RACK1: variants seen among roughly 807,000 people sequenced by gnomAD.
RACK1 encodes receptor for activated C kinase 1.
Under a neutral mutation model 42.2 loss-of-function variants are expected in RACK1, and 3 were observed. That is an observed-to-expected ratio of 0.07 (90% CI 0.03 to 0.18). RACK1 has a LOEUF of 0.18. Among genes scored for constraint, RACK1 ranks in the 10% least tolerant of loss-of-function variants. The pLI, the probability that RACK1 is intolerant of heterozygous loss-of-function variation, is 1.00. For synonymous variants in RACK1, 181 were observed against 154.8 expected, an observed-to-expected ratio of 1.17 and a Z score of -1.25; for missense variants, 146 against 403.2, an observed-to-expected ratio of 0.36 and a Z score of 5.46.
At chr5:181,241,023 C>G (rs1344039078) in intron 3 of RACK1, 3 of 154,678 alleles carry the variant, frequency 1.9e-5, no homozygotes, top group African/African-American at 7.3e-5. Flanking sequence ...ACTTGGGAGG[C>G]TGAGGCAGGA....
Position 181,237,031 on chromosome 5 carries a change from A to G in RACK1, c.900T>C (p.Ala300=), listed in dbSNP as rs1759162108. ...AWSADGQTLF[A]GYTDNLVRVW... is the part of the protein sequence containing the mutation. ...CTCGCACCAGGTTGTCCGTGTAGCC[A>G]GCAAACAGAGTCTGCAGGGAAGAAA... The change falls in exon 8 of 8, where the codon GCT becomes GCC. Residue 300 remains alanine (A), a synonymous_variant. Transcript: ENST00000512805. The G allele has an allele frequency of 1.2e-6, 2 of 1,614,128 alleles. No individual in the cohort carries two copies. Among genetic ancestry groups the G allele is most frequent in the Non-Finnish European group, 1.7e-6 (2 of 1,180,022 alleles).
Position 181,238,178 on chromosome 5 carries a change from C to T in RACK1, c.698G>A (p.Gly233Glu). ...EGKHLYTLDG[G>E]DIINALCFSP... ...GAAGCACAGGGCGTTGATGATGTCC[C>T]CACCATCTAGCGTGTAAAGGTGTTT... The change falls in exon 6 of 8, where the codon GGG (glycine) becomes GAG (glutamate). Residue 233 changes from glycine to glutamate, a missense_variant. By Grantham distance (98) the Gly-to-Glu change is moderately conservative. Transcript: ENST00000512805. 6.2e-7 allele frequency: 1 copy of T among 1,613,960 alleles called. No individual in the cohort carries two copies. Among genetic ancestry groups the T allele is most frequent in the Non-Finnish European group, 8.5e-7 (1 of 1,179,862 alleles).
chr5:181,238,328 A>G, intron 5 of RACK1, 89 bp from the exon 6 acceptor site: 1 of 1,386,396 alleles, frequency 7.2e-7, no homozygotes, highest in East Asian at 2.3e-5. Flanking sequence ...ATCAATTCTT[A>G]CCTTTCCTCC....
At chr5:181,237,791 TTC>T in intron 6 of RACK1, 72 bp from the exon 7 acceptor site, 1 of 906,804 alleles carries the variant, frequency 1.1e-6, no homozygotes, top group Non-Finnish European at 1.8e-6. Flanking sequence ...CCCCTCAAGA[TTC>T]TCAAGTTAAA....
At chr5:181,243,658 A>T in intron 1 of RACK1, 34 bp downstream of exon 1, 10 of 1,561,150 alleles carry the variant, frequency 6.4e-6, no homozygotes, top group African/African-American at 1.4e-5. Context: ...CCAGCCCTGC[A>T]ATCTCGGGTC....
In RACK1 at chr5:181,243,897, TGAAA is replaced by T. The variant is rs1759453560; in HGVS notation, c.-101_-98del. 4.1e-6 allele frequency: 6 copies of T among 1,452,546 alleles called. No homozygotes were observed. Among genetic ancestry groups the T allele is most frequent in the Non-Finnish European group, 4.5e-6 (5 of 1,101,644 alleles). 90.0% of individuals were successfully genotyped at this position (1,452,546 alleles called of 1,614,324 possible). A position where few individuals can be genotyped will look rare whatever the true frequency, so the allele number is the denominator to read the frequency against. The stretch of plus-strand genomic sequence containing the variant: ...AACCTCTCCTGCCGCCGCCTTGCAG[TGAAA>T]GAGAGAGAGAAAAGCCCCCCGCCGG... On this transcript the variant is annotated 5_prime_UTR_variant, in exon 1 of 8. Coordinates refer to ENST00000512805, the MANE Select transcript of RACK1 (RefSeq NM_006098.5).
In RACK1 at chr5:181,238,100, C is replaced by G. The variant is rs1040406651; in HGVS notation, c.776G>C (p.Trp259Ser). Residue 259 changes from tryptophan (W) to serine (S), a missense_variant and splice_region_variant, in exon 6 of 8, where the codon TGG (tryptophan) becomes TCG (serine). Transcript: ENST00000512805. ...CAATGPSIKI[W>S]DLEGKIIVDE... Reference sequence around the variant, plus strand: ...CAGTCAATTGTAACCCACACTCACCCAGATCTTGATGCTGGGGCCTGTGGC... The same window carrying G: ...CAGTCAATTGTAACCCACACTCACCGAGATCTTGATGCTGGGGCCTGTGGC... 6.2e-7 allele frequency: 1 copy of G among 1,614,188 alleles called. No homozygotes were observed.
intron 1 of RACK1, chr5:181,243,433 T>C (rs3909373): frequency 6.6e-7 from 1 of 1,506,944 alleles, no homozygotes; most frequent in South Asian, 1.2e-5. Flanking sequence ...AAAGATATTT[T>C]AAAAGTTTCC....
At chr5:181,238,581 G>T in intron 5 of RACK1, 2 of 338,704 alleles carry the variant, frequency 5.9e-6, no homozygotes, top group Non-Finnish European at 1.1e-5. Context: ...GAGGTGGGCG[G>T]ATCACCTGAG....
chr5:181,243,817 T>C lies in RACK1; in HGVS notation c.-17A>G. ...CTCAGTCATGGCGGCGGCGAGAGCG[T>C]GTGTCGCTGCAGCGACGAGGATGGC... On this transcript the variant is annotated 5_prime_UTR_variant, in exon 1 of 8. Transcript: ENST00000512805. 1 of 1,590,666 alleles carries C rather than the reference T, an allele frequency of 6.3e-7. No individual in the cohort carries two copies. Among genetic ancestry groups the C allele is most frequent in the Non-Finnish European group, 8.6e-7 (1 of 1,168,722 alleles).
intron 5 of RACK1, chr5:181,238,496 A>C: frequency 4.6e-6 from 2 of 438,262 alleles, no homozygotes; most frequent in East Asian, 4.6e-5. Flanking sequence ...TCCCAATCTC[A>C]TCAACTGCTT....
At chr5:181,238,848 C>G in intron 5 of RACK1, 1 of 570,920 alleles carries the variant, frequency 1.8e-6, no homozygotes, top group Non-Finnish European at 3.2e-6. Context: ...AAAAAACCCA[C>G]AGGCTTATAG....
intron 4 of RACK1, 106 bp downstream of exon 4, chr5:181,239,381 A>AC: frequency 1.2e-6 from 1 of 837,022 alleles, no homozygotes; most frequent in Non-Finnish European, 2.1e-6. Context: ...GACAAGAGAA[A>AC]GAGTCAACTG....
chr5:181,243,325 G>A, intron 1 of RACK1: 1 of 1,365,644 alleles, frequency 7.3e-7, no homozygotes, highest in Non-Finnish European at 9.7e-7. Flanking sequence ...CTCAGAAACA[G>A]CCTCTGGATT....
rs985869661 is a variant in RACK1 at position 181,242,050 on chromosome 5, G to T, written c.281+124C>A. On this transcript the variant is annotated intron_variant, in intron 2 of 7. Transcript: ENST00000512805. Reference sequence around the variant, plus strand: ...TGAGGGAGGCCAAACATCTTCTGTAGGTGTGCTCTGCTTTCCAGTTCCCAA... The same window carrying T: ...TGAGGGAGGCCAAACATCTTCTGTATGTGTGCTCTGCTTTCCAGTTCCCAA... 21 of 860,258 alleles carry T rather than the reference G, an allele frequency of 2.4e-5. No homozygotes were observed. In the African/African-American group the frequency reaches 3.5e-4, roughly 14 times the overall value. 53.3% of individuals were successfully genotyped at this position (860,258 alleles called of 1,614,324 possible). A position where few individuals can be genotyped will look rare whatever the true frequency, so the allele number is the denominator to read the frequency against.
At position 181,239,050 on chromosome 5, in the gene RACK1, G is replaced by A. The variant is rs376003338; in HGVS notation, c.636+17C>T. On this transcript the variant is annotated intron_variant, in intron 5 of 7. Coordinates refer to ENST00000512805, the MANE Select transcript of RACK1 (RefSeq NM_006098.5). ...CGCTGTCTTCCACTGAGTAGGAGAC[G>A]CCTTGTCCCCAAATACCTTGCCTCC... 2.0e-6 allele frequency: 3 copies of A among 1,513,310 alleles called. No individual in the cohort carries two copies. The highest frequency in any genetic ancestry group is 2.8e-6 in the Non-Finnish European group (3 of 1,088,186). 93.7% of individuals were successfully genotyped at this position (1,513,310 alleles called of 1,614,324 possible). A position where few individuals can be genotyped will look rare whatever the true frequency, so the allele number is the denominator to read the frequency against.
In RACK1 at chr5:181,239,580, A is replaced by C. The variant is rs764684586; in HGVS notation, c.432T>G (p.Asp144Glu). Residue 144 changes from aspartate to glutamate, a missense_variant and splice_region_variant, in exon 4 of 8, where the codon GAT (aspartate) becomes GAG (glutamate). Transcript: ENST00000512805. ...AAGACACCCACTCTGAGTGGCTCTCATCCTACAGAAGATGGAAAGGAAATT... is the reference window on the plus strand; with the variant it reads ...AAGACACCCACTCTGAGTGGCTCTCCTCCTACAGAAGATGGAAAGGAAATT... ...TLGVCKYTVQDESHSEWVSCV... is the reference protein window; with the variant it reads ...TLGVCKYTVQEESHSEWVSCV... 6.2e-7 allele frequency: 1 copy of C among 1,608,386 alleles called. No individual in the cohort carries two copies. Among genetic ancestry groups the C allele is most frequent in the Non-Finnish European group, 8.5e-7 (1 of 1,174,874 alleles).
At chr5:181,241,354 C>T (rs965943956) in intron 3 of RACK1, 138 bp downstream of exon 3, 49 of 715,256 alleles carry the variant, frequency 6.9e-5, no homozygotes, top group African/African-American at 6.1e-4. Context: ...CCCTTGAGCC[C>T]GGGAGGCAGA....
intron 3 of RACK1, 113 bp from the exon 4 acceptor site, chr5:181,239,695 G>A: frequency 1.5e-6 from 1 of 666,154 alleles, no homozygotes; most frequent in African/African-American, 1.8e-5. Context: ...CAAAAACCAA[G>A]AACCCAAACC....
Sources: gnomAD v4.1 joint callset for allele counts on GRCh38, gnomAD v4.1.1 for gene constraint, MANE v1.5 for transcripts, NCBI Gene and HGNC (gene_info 2026-07-23, HGNC 2026-07-21) for gene names.